IGSF21: variants seen among roughly 807,000 people sequenced by gnomAD.
The protein encoded by IGSF21 is immunoglobin superfamily member 21.
Under a neutral mutation model 46.8 loss-of-function variants are expected in IGSF21, and 28 were observed. That is an observed-to-expected ratio of 0.60 (90% CI 0.44 to 0.82). The LOEUF (loss-of-function observed/expected upper bound fraction) is 0.82, where lower values mean the gene tolerates loss of function less well. Among genes scored for constraint, IGSF21 ranks in the 40% least tolerant of loss-of-function variants. The pLI, the probability that IGSF21 is intolerant of heterozygous loss-of-function variation, is 0.00. For missense variants in IGSF21, 624 were observed against 665.5 expected (o/e 0.94, Z 0.69); for synonymous variants, 284 against 273.6 (o/e 1.04, Z -0.38).
chr1:18,179,361 C>G (rs2086834745), intron 1 of IGSF21: 1 of 152,222 alleles, frequency 6.6e-6, no homozygotes, highest in Admixed American at 6.5e-5. Context: ...AGAGGGGCCA[C>G]TGTCCCAGCC....
intron 1 of IGSF21, among the ~76,000 whole-genome samples, chr1:18,219,596 C>T (rs6681991): frequency 0.48 from 73,076 of 151,928 alleles, 18,068 homozygotes; most frequent in Non-Finnish European, 0.53. Flanking sequence ...AGCTTACAGG[C>T]CTTGCTGGCT....
chr1:18,233,119 C>T (rs961178361), intron 2 of IGSF21, among the ~76,000 whole-genome samples: 4 of 152,188 alleles, frequency 2.6e-5, no homozygotes, highest in African/African-American at 9.7e-5. Context: ...GTTTTCTCTC[C>T]TTCTTTTACA....
intron 1 of IGSF21, among the ~76,000 whole-genome samples, chr1:18,150,020 G>A (rs1453352172): frequency 3.3e-5 from 5 of 152,158 alleles, no homozygotes; most frequent in African/African-American, 7.2e-5. Flanking sequence ...TTGGGAGGCC[G>A]AGGCAGGAGG....
intron 2 of IGSF21, among the ~76,000 whole-genome samples, chr1:18,279,877 T>C (rs1481681264): frequency 1.3e-5 from 2 of 152,250 alleles, no homozygotes; most frequent in African/African-American, 4.8e-5. Context: ...GCCACGGGTC[T>C]GCCGGCGGCC....
chr1:18,135,653 G>A (rs1200043343), intron 1 of IGSF21, among the ~76,000 whole-genome samples: 2 of 152,076 alleles, frequency 1.3e-5, no homozygotes, highest in African/African-American at 2.4e-5. Context: ...TCTTAATCCA[G>A]TCTATCATTG....
At chr1:18,318,785 A>C (rs544009068) in intron 3 of IGSF21, among the ~76,000 whole-genome samples, 2 of 152,308 alleles carry the variant, frequency 1.3e-5, no homozygotes, top group African/African-American at 4.8e-5. Flanking sequence ...TTTTAATTAA[A>C]ACTATGTTTT....
intron 2 of IGSF21, among the ~76,000 whole-genome samples, chr1:18,235,079 C>T (rs1172777498): frequency 6.6e-6 from 1 of 152,206 alleles, no homozygotes; most frequent in Non-Finnish European, 1.5e-5. Flanking sequence ...TCAGAGGCCA[C>T]TAAAAATACA....
rs112087233 is a variant in IGSF21, at chr1:18,375,308, A to C, written c.1016-1002A>C. 2.9e-3 allele frequency among the ~76,000 whole-genome samples: 444 copies of C among 152,300 alleles called. 2 individuals carry two copies. Among genetic ancestry groups the C allele is most frequent in the African/African-American group, 0.01 (418 of 41,568 alleles). On this transcript the variant is annotated intron_variant, in intron 6 of 9. Transcript: ENST00000251296. ...CTCCATAATTACTGTTGAGTGAGTG[A>C]GTGAGTGAATGAATGAATCTGGGGG...
intron 3 of IGSF21, among the ~76,000 whole-genome samples, chr1:18,309,212 G>T (rs958668163): frequency 1.3e-5 from 2 of 152,122 alleles, no homozygotes; most frequent in East Asian, 3.9e-4. Context: ...GCCCTTTGGG[G>T]AATGAAAGGA....
At chr1:18,286,073 AG>A (rs1272298829) in intron 2 of IGSF21, among the ~76,000 whole-genome samples, 3 of 152,188 alleles carry the variant, frequency 2.0e-5, no homozygotes, top group African/African-American at 7.2e-5. Context: ...ACTGAGTGGC[AG>A]AGCTGGGATC....
At chr1:18,126,915 G>A (rs1277398863) in intron 1 of IGSF21, among the ~76,000 whole-genome samples, 1 of 152,062 alleles carries the variant, frequency 6.6e-6, no homozygotes, top group East Asian at 1.9e-4. Flanking sequence ...TGCAGGTGGG[G>A]ACAGATTGGG....
At chr1:18,111,789 AG>A (rs2086147392) in intron 1 of IGSF21, 2 of 152,276 alleles carry the variant, frequency 1.3e-5, no homozygotes, top group South Asian at 4.1e-4. Flanking sequence ...TGTTAATGAC[AG>A]AAGTACAGGC....
chr1:18,151,119 T>G (rs1483214879), intron 1 of IGSF21, among the ~76,000 whole-genome samples: 2 of 152,210 alleles, frequency 1.3e-5, no homozygotes, highest in Non-Finnish European at 2.9e-5. Flanking sequence ...CTGTATCCTC[T>G]GTGTGGAGGG....
intron 6 of IGSF21, among the ~76,000 whole-genome samples, chr1:18,373,570 G>A (rs1045388917): frequency 3.9e-5 from 6 of 152,158 alleles, no homozygotes; most frequent in African/African-American, 1.4e-4. Context: ...CTTGAAAGCA[G>A]CGAGGGAGGA....
At chr1:18,126,748 A>G (rs1374355645) in intron 1 of IGSF21, among the ~76,000 whole-genome samples, 2 of 152,154 alleles carry the variant, frequency 1.3e-5, no homozygotes, top group African/African-American at 4.8e-5. Flanking sequence ...TTTTATTAAA[A>G]GAGCTGGTGC....
At chr1:18,285,828 C>G (rs999644458) in intron 2 of IGSF21, among the ~76,000 whole-genome samples, 7 of 152,172 alleles carry the variant, frequency 4.6e-5, no homozygotes, top group Non-Finnish European at 1.5e-5. Context: ...GTTACGATGA[C>G]AGGAGGTGAT....
intron 1 of IGSF21, among the ~76,000 whole-genome samples, chr1:18,149,073 C>T (rs1179993338): frequency 6.6e-6 from 1 of 152,212 alleles, no homozygotes; most frequent in Non-Finnish European, 1.5e-5. Context: ...GAGCAGGGTT[C>T]AGAGGTCTGC....
chr1:18,202,635 C>CTCATGAGAACTCACTCACTA (rs1284624914), intron 1 of IGSF21, among the ~76,000 whole-genome samples: 2 of 152,064 alleles, frequency 1.3e-5, no homozygotes, highest in African/African-American at 4.8e-5. Flanking sequence ...ACCATCAGAT[C>CTCATGAGAACTCACTCACTA]TCATGAGAAC....
At chr1:18,318,893 A>T (rs1328291187) in intron 3 of IGSF21, among the ~76,000 whole-genome samples, 1 of 152,206 alleles carries the variant, frequency 6.6e-6, no homozygotes, top group South Asian at 2.1e-4. Context: ...TGGCTTTTAT[A>T]CCGGTTATTC....
Sources: gnomAD v4.1 joint callset for allele counts (sites outside exome capture counted in the v4.1 genomes callset) on GRCh38, gnomAD v4.1.1 for gene constraint, MANE v1.5 for transcripts, NCBI Gene and HGNC (gene_info 2026-07-23, HGNC 2026-07-21) for gene names.